The following SUMF1 variants were observed in gnomAD, a reference collection of about 807,000 sequenced individuals.
SUMF1 encodes the protein formylglycine-generating enzyme.
Under a neutral mutation model 47.6 loss-of-function variants are expected in SUMF1, and 48 were observed. The ratio of observed to expected loss-of-function variants is 1.01; its 90% confidence interval spans 0.80 to 1.28. The LOEUF (loss-of-function observed/expected upper bound fraction) is 1.28. Among genes scored for constraint, SUMF1 ranks in the 50% most tolerant of loss-of-function variants. The pLI is 0.00. For missense variants in SUMF1, 571 were observed against 485.4 expected, an observed-to-expected ratio of 1.18 and a Z score of -1.66; for synonymous variants, 230 against 192.1, an observed-to-expected ratio of 1.20 and a Z score of -1.63.
At chr3:4,226,331 A>G (rs1180983745) in intron 8 of SUMF1, among the ~76,000 whole-genome samples, 2 of 129,646 alleles carry the variant, frequency 1.5e-5, no homozygotes, top group African/African-American at 3.0e-5. Context: ...GTGCAGTAGC[A>G]TGATCTTGGC....
intron 8 of SUMF1, among the ~76,000 whole-genome samples, chr3:4,250,918 A>T (rs1227414971): frequency 6.6e-6 from 1 of 152,166 alleles, no homozygotes; most frequent in African/African-American, 2.4e-5. Flanking sequence ...AAACAAGGAG[A>T]TGAATGTTGT....
intron 8 of SUMF1, among the ~76,000 whole-genome samples, chr3:4,238,801 G>A (rs542471836): frequency 2.6e-5 from 4 of 152,082 alleles, no homozygotes; most frequent in Non-Finnish European, 4.4e-5. Flanking sequence ...TGTCTATTTT[G>A]GCTTTTGTTG....
rs375881515 is a variant in SUMF1 at position 4,444,100 on chromosome 3, G to GA, written c.519+5165dup. ...AGGCAAAAACAACTAATTTTCAAGGGAAAAAAATCAGATTACCATCAGGCT... is the reference window on the plus strand; with the variant it reads ...AGGCAAAAACAACTAATTTTCAAGGGAAAAAAAATCAGATTACCATCAGGCT... On this transcript the variant is annotated intron_variant, in intron 3 of 8. Transcript: ENST00000272902. Among the ~76,000 whole-genome samples the GA allele has an allele frequency of 1.0e-3, 157 of 151,816 alleles. 1 individual carries two copies. The highest frequency in any genetic ancestry group is 3.7e-3 in the African/African-American group (155 of 41,428).
At chr3:4,218,916 A>ATAGAGTG (rs2125171963) in intron 8 of SUMF1, among the ~76,000 whole-genome samples, 1 of 152,250 alleles carries the variant, frequency 6.6e-6, no homozygotes, top group South Asian at 2.1e-4. Flanking sequence ...CTCACTATTA[A>ATAGAGTG]ACGCAGCCAA....
intron 3 of SUMF1, among the ~76,000 whole-genome samples, chr3:4,424,653 G>A (rs1702012067): frequency 6.6e-6 from 1 of 152,024 alleles, no homozygotes; most frequent in Non-Finnish European, 1.5e-5. Flanking sequence ...ATACTATACG[G>A]CTAGTTATCA....
chr3:4,322,099 G>C (rs1315666004), intron 8 of SUMF1, among the ~76,000 whole-genome samples: 6 of 152,024 alleles, frequency 3.9e-5, no homozygotes, highest in Admixed American at 6.6e-5. Flanking sequence ...CAAGGTCTTG[G>C]AAAACAAGAA....
At chr3:4,121,479 G>A (rs1160608845) in intron 8 of SUMF1, among the ~76,000 whole-genome samples, 2 of 152,110 alleles carry the variant, frequency 1.3e-5, no homozygotes, top group African/African-American at 4.8e-5. Flanking sequence ...TGTTCTTTAT[G>A]ATTAGTACAA....
chr3:4,456,678 A>ATATATATGTGTGTATATATATATACGTG (rs2079619907), intron 1 of SUMF1, among the ~76,000 whole-genome samples: 3 of 137,960 alleles, frequency 2.2e-5, no homozygotes, highest in Non-Finnish European at 3.1e-5. Context: ...ATATACGTGT[A>ATATATATGTGTGTATATATATATACGTG]TATATATATG....
chr3:4,077,376 A>T (rs1409259400), intron 8 of SUMF1, among the ~76,000 whole-genome samples: 3 of 152,158 alleles, frequency 2.0e-5, no homozygotes, highest in Non-Finnish European at 4.4e-5. Flanking sequence ...TTGTGGCACT[A>T]TTCACAACAG....
At chr3:4,242,173 G>T (rs1390243745) in intron 8 of SUMF1, among the ~76,000 whole-genome samples, 4 of 152,100 alleles carry the variant, frequency 2.6e-5, no homozygotes, top group Admixed American at 6.5e-5. Context: ...AGGAGATTTG[G>T]GGCCGAGAAG....
At chr3:4,435,420 A>C (rs1408232165) in intron 3 of SUMF1, among the ~76,000 whole-genome samples, 1 of 152,226 alleles carries the variant, frequency 6.6e-6, no homozygotes, top group Non-Finnish European at 1.5e-5. Flanking sequence ...GGATACTATC[A>C]AAAGGTCTAA....
intron 8 of SUMF1, among the ~76,000 whole-genome samples, chr3:4,172,022 C>T (rs139601912): frequency 1.7e-4 from 26 of 152,118 alleles, no homozygotes; most frequent in African/African-American, 3.4e-4. Context: ...GGCAATATGA[C>T]GGGTTGAATG....
chr3:4,303,880 C>G, intron 8 of SUMF1: 1 of 1,274,894 alleles, frequency 7.8e-7, no homozygotes, highest in Non-Finnish European at 1.0e-6. Context: ...TAGGATAAGC[C>G]GTGGGGCCTA....
intron 8 of SUMF1, among the ~76,000 whole-genome samples, chr3:4,159,933 G>A (rs1382360608): frequency 6.6e-6 from 1 of 152,068 alleles, no homozygotes; most frequent in East Asian, 1.9e-4. Context: ...AAACACATTG[G>A]AGCACAATTG....
intron 7 of SUMF1, among the ~76,000 whole-genome samples, chr3:4,382,075 A>T (rs1436133028): frequency 6.6e-6 from 1 of 152,094 alleles, no homozygotes; most frequent in Non-Finnish European, 1.5e-5. Flanking sequence ...AAACAAAAAA[A>T]CCTTCCTCAA....
chr3:4,382,932 C>A (rs1453535998), intron 7 of SUMF1, among the ~76,000 whole-genome samples: 1 of 151,964 alleles, frequency 6.6e-6, no homozygotes, highest in Non-Finnish European at 1.5e-5. Flanking sequence ...GGGTCAGAGA[C>A]TAGGGGAGGG....
chr3:4,264,102 A>C (rs1172479150), intron 8 of SUMF1, among the ~76,000 whole-genome samples: 1 of 152,210 alleles, frequency 6.6e-6, no homozygotes. Flanking sequence ...GTAAGAAAAG[A>C]AGGTCTAAGA....
At chr3:4,105,889 T>C (rs566499603) in intron 8 of SUMF1, among the ~76,000 whole-genome samples, 54 of 152,144 alleles carry the variant, frequency 3.5e-4, no homozygotes, top group Non-Finnish European at 6.8e-4. Flanking sequence ...TAAAATGATA[T>C]GTGGTTTATT....
chr3:4,324,516 C>T (rs1039428217), intron 8 of SUMF1, among the ~76,000 whole-genome samples: 2 of 152,084 alleles, frequency 1.3e-5, no homozygotes, highest in African/African-American at 4.8e-5. Flanking sequence ...TGGGAGTGAG[C>T]ATGAGCAGTG....
Sources: gnomAD v4.1 joint callset for allele counts (sites outside exome capture counted in the v4.1 genomes callset) on GRCh38, gnomAD v4.1.1 for gene constraint, MANE v1.5 for transcripts, NCBI Gene and HGNC (gene_info 2026-07-23, HGNC 2026-07-21) for gene names.